The following POLR2B variants were observed in gnomAD, a reference collection of about 807,000 sequenced individuals.
The protein encoded by POLR2B is DNA-directed RNA polymerase II subunit RPB2.
A neutral mutation model predicts 144.6 loss-of-function variants in POLR2B; 57 were observed. That is an observed-to-expected ratio of 0.39 (90% CI 0.32 to 0.49). The LOEUF is 0.49. POLR2B is among the 20% of genes least tolerant of loss of function. POLR2B has a pLI of 0.83. For missense variants in POLR2B, 595 were observed against 1,467.4 expected (o/e 0.41, Z 9.71); for synonymous variants, 442 against 469.8 (o/e 0.94, Z 0.77).
In POLR2B at chr4:56,998,417, G is replaced by T. The variant is rs561443873; in HGVS notation, c.736-1200G>T. Among the ~76,000 whole-genome samples the T allele has an allele frequency of 3.0e-3, 462 of 152,228 alleles. 2 individuals are homozygous for T. Among genetic ancestry groups the T allele is most frequent in the Non-Finnish European group, 2.5e-3 (172 of 68,016 alleles). ...TCACCATGTTAGCCAGGCTGATCTC[G>T]AACTCCCAACCTCTGGTGATCCACC... On this transcript the variant is annotated intron_variant, in intron 6 of 24. Transcript: ENST00000314595.
chr4:56,986,771 G>T, intron 2 of POLR2B: 1 of 165,974 alleles, frequency 6.0e-6, no homozygotes, highest in Non-Finnish European at 1.3e-5. Context: ...TCCAGTCTTG[G>T]TGATAGAGTG....
chr4:57,016,977 T>C, intron 14 of POLR2B, 66 bp from the exon 15 acceptor site: 1 of 713,438 alleles, frequency 1.4e-6, no homozygotes, highest in Non-Finnish European at 2.2e-6. Context: ...AGGAATACTT[T>C]TAAGTAGGAG....
intron 1 of POLR2B, among the ~76,000 whole-genome samples, chr4:56,984,176 C>A (rs34601747): frequency 0.087 from 13,216 of 152,094 alleles, 671 homozygotes; most frequent in Middle Eastern, 0.13. Context: ...GAAAAAAAAT[C>A]TGATAAATGG....
At position 57,017,801 on chromosome 4, in the gene POLR2B, A is replaced by T. The variant is rs80262824; in HGVS notation, c.2323+73A>T. The T allele has an allele frequency of 7.6e-4, 788 of 1,030,094 alleles. 4 individuals carry two copies. In the African/African-American group the frequency reaches 0.011, roughly 15 times the overall value. 63.8% of individuals were successfully genotyped at this position (1,030,094 alleles called of 1,614,324 possible). ...GGCACTTTTCTGGGTGCTTGGGAGG[A>T]TTAAAAAATAAATATGACATAGTGC... On this transcript the variant is annotated intron_variant, in intron 16 of 24. Transcript: ENST00000314595. The surrounding 1 kb of genome is among the most constrained non-coding windows in gnomAD (Gnocchi z 4.8).
At chr4:57,014,737 C>T (rs1459892554) in intron 13 of POLR2B, among the ~76,000 whole-genome samples, 1 of 140,928 alleles carries the variant, frequency 7.1e-6, no homozygotes, top group Non-Finnish European at 1.5e-5. Context: ...ATCTCCTGAC[C>T]TCGTGATCCA....
chr4:56,997,453 C>A (rs1244633401), intron 6 of POLR2B, among the ~76,000 whole-genome samples: 1 of 152,142 alleles, frequency 6.6e-6, no homozygotes, highest in Non-Finnish European at 1.5e-5. Context: ...GACAGGGTTT[C>A]ACTATGTTGC....
In POLR2B at chr4:57,015,519, T is replaced by C. The variant is rs1723337006; in HGVS notation, c.1818T>C (p.Asp606=). ...IIVSEVSMIR[D]IREREIRIYT... is the part of the protein sequence containing the mutation. ...ATATGTAGGTTTCTATGATCAGAGATATTCGAGAGAGGGAGATTCGGATCT... is the reference window on the plus strand; with the variant it reads ...ATATGTAGGTTTCTATGATCAGAGACATTCGAGAGAGGGAGATTCGGATCT... Residue 606 remains aspartate, a synonymous_variant, in exon 14 of 25, where the codon GAT becomes GAC. Coordinates refer to ENST00000314595, the MANE Select transcript of POLR2B (RefSeq NM_000938.3). 1.4e-6 allele frequency: 2 copies of C among 1,397,526 alleles called. No homozygotes were observed. Among genetic ancestry groups the C allele is most frequent in the Non-Finnish European group, 1.9e-6 (2 of 1,056,506 alleles). The allele number at this position is 1,397,526 out of a possible 1,614,324, so 86.6% of individuals were successfully genotyped here. A position where few individuals can be genotyped will look rare whatever the true frequency, so the allele number is the denominator to read the frequency against.
intron 16 of POLR2B, among the ~76,000 whole-genome samples, chr4:57,020,253 C>T (rs1045159883): frequency 2.6e-5 from 4 of 152,064 alleles, no homozygotes; most frequent in African/African-American, 9.7e-5. Flanking sequence ...AGGATGGTCT[C>T]AATCGCTTGA....
intron 5 of POLR2B, 139 bp from the exon 6 acceptor site, chr4:56,995,112 A>G (rs990809159): frequency 4.3e-6 from 3 of 705,696 alleles, no homozygotes; most frequent in Non-Finnish European, 6.9e-6. Flanking sequence ...TTTATGCAAA[A>G]TGGAGTTTGT....
At chr4:57,004,891 C>T (rs555801714) in intron 7 of POLR2B, among the ~76,000 whole-genome samples, 77 of 152,168 alleles carry the variant, frequency 5.1e-4, no homozygotes, top group African/African-American at 1.8e-3. Flanking sequence ...CGCCATGTTG[C>T]CTAGACTAGT....
rs528666421 is a variant in POLR2B at position 56,990,223 on chromosome 4, GC to G, written c.93-524del. On this transcript the variant is annotated intron_variant, in intron 2 of 24. Transcript: ENST00000314595. ...GTGGAATAAAATTTGTCCATAAAGG[GC>G]ATAAAGTTTTTTTTTTTCTTTGAGA... Among the ~76,000 whole-genome samples, 692 of 152,098 alleles carry G rather than the reference GC, an allele frequency of 4.5e-3. 3 individuals carry two copies. The highest frequency in any genetic ancestry group is 7.4e-3 in the Non-Finnish European group (506 of 67,982).
At chr4:56,979,025 C>T in intron 1 of POLR2B, 21 bp downstream of exon 1, 2 of 1,611,834 alleles carry the variant, frequency 1.2e-6, no homozygotes, top group African/African-American at 1.3e-5. Flanking sequence ...GCTCAAAACA[C>T]ACGCCGTGGC....
chr4:57,029,008 G>C (rs1229087957), intron 23 of POLR2B, among the ~76,000 whole-genome samples: 1 of 152,112 alleles, frequency 6.6e-6, no homozygotes, highest in Non-Finnish European at 1.5e-5. Context: ...AACCTGGACT[G>C]TTTGTCCAGG....
Position 56,978,942 on chromosome 4 carries a change from T to A in POLR2B, c.-44T>A. 6.2e-7 allele frequency: 1 copy of A among 1,608,656 alleles called. No homozygotes were observed. Among genetic ancestry groups the A allele is most frequent in the Non-Finnish European group, 8.5e-7 (1 of 1,175,234 alleles). ...GCTGCTGGCTTCTGGGCGGTTTTTG[T>A]CTTTTGATTTCAAGAGTTAGGAGCT... On this transcript the variant is annotated 5_prime_UTR_variant, in exon 1 of 25. Transcript: ENST00000314595.
At chr4:57,011,410 C>T (rs1406472570) in intron 13 of POLR2B, among the ~76,000 whole-genome samples, 3 of 152,164 alleles carry the variant, frequency 2.0e-5, no homozygotes, top group African/African-American at 4.8e-5. Flanking sequence ...GGCCTGTAAT[C>T]GCAGCTACTC....
Position 57,005,261 on chromosome 4 carries a change from G to A in POLR2B, c.916G>A (p.Asp306Asn), listed in dbSNP as rs1319666522. 1 of 1,555,910 alleles carries A rather than the reference G, an allele frequency of 6.4e-7. No homozygotes were observed. The highest frequency in any genetic ancestry group is 2.1e-5 in the Admixed American group (1 of 46,872). The change falls in exon 8 of 25, where the codon GAT becomes AAT. Residue 306 changes from aspartate to asparagine, a missense_variant. Coordinates refer to ENST00000314595, the MANE Select transcript of POLR2B (RefSeq NM_000938.3). ...TGTCTGATAGGTTAAACCTTCTCTC[G>A]ATGAAGCTTTTGTCATCCAAGAACA... ...EMMEMVKPSL[D>N]EAFVIQEQNV...
At chr4:57,030,635 T>G in intron 24 of POLR2B, 1 of 545,236 alleles carries the variant, frequency 1.8e-6, no homozygotes, top group Non-Finnish European at 3.2e-6. Context: ...ATAATAAGAC[T>G]TTGTACAAGG....
chr4:57,006,819 G>GT lies in POLR2B; in HGVS notation c.1224dup (p.Lys409Ter), dbSNP rs1723033585. 1 of 1,606,022 alleles carries GT rather than the reference G, an allele frequency of 6.2e-7. No homozygotes were observed. Among genetic ancestry groups the GT allele is most frequent in the Non-Finnish European group, 8.5e-7 (1 of 1,173,146 alleles). On this transcript the variant is annotated frameshift_variant, in exon 10 of 25. Coordinates refer to ENST00000314595, the MANE Select transcript of POLR2B (RefSeq NM_000938.3). LOFTEE classifies it high-confidence loss of function. ...ATAATACCATTTTATTCGGCAGTAT[G>GT]TTTAAGAATTTGCTTAAAGAAGTGC... is the stretch of plus-strand genomic sequence containing the variant.
At chr4:56,981,827 AAT>A (rs2109637676) in intron 1 of POLR2B, among the ~76,000 whole-genome samples, 2 of 152,352 alleles carry the variant, frequency 1.3e-5, no homozygotes, top group East Asian at 3.9e-4. Flanking sequence ...AACTGATTAC[AAT>A]ATGTTTCTAC....
Sources: allele counts gnomAD v4.1 joint callset (sites outside exome capture counted in the v4.1 genomes callset), GRCh38; gene constraint gnomAD v4.1.1; non-coding constraint Gnocchi (gnomAD v3.1); transcripts MANE v1.5; gene names NCBI Gene and HGNC (gene_info 2026-07-23, HGNC 2026-07-21).